ZNF300: variants seen among roughly 807,000 people sequenced by gnomAD.
ZNF300 encodes the protein kruppel-like zinc finger protein.
Under a neutral mutation model 13.9 loss-of-function variants are expected in ZNF300, and 6 were observed. The observed-to-expected ratio is 0.43, with a 90% CI of 0.24 to 0.85. The LOEUF (loss-of-function observed/expected upper bound fraction) is 0.85, where lower values mean the gene tolerates loss of function less well. ZNF300 is among the 40% of genes least tolerant of loss of function. The probability of loss-of-function intolerance (pLI) is 0.25; values close to 1 mark genes in which losing one functional copy is unlikely to be tolerated. For missense variants in ZNF300, 662 were observed against 714.2 expected, an observed-to-expected ratio of 0.93 and a Z score of 0.83; for synonymous variants, 237 against 242.2, an observed-to-expected ratio of 0.98 and a Z score of 0.20.
In ZNF300 at chr5:150,896,572, T is replaced by A; in HGVS notation, c.667A>T (p.Ser223Cys). 1 of 1,613,768 alleles carries A rather than the reference T, an allele frequency of 6.2e-7. No homozygotes were observed. The highest frequency in any genetic ancestry group is 8.5e-7 in the Non-Finnish European group (1 of 1,179,840). The change falls in exon 6 of 6, where the codon AGC becomes TGC. Residue 223 changes from serine to cysteine, a missense_variant. Ser to Cys is a moderately radical substitution (Grantham distance 112). Coordinates refer to ENST00000274599, the MANE Select transcript of ZNF300 (RefSeq NM_052860.4). ...DQSFGGGKSS[S>C]QSEPNSNLEK... ...AGATTAGAATTGGGCTCACTCTGGC[T>A]AGATGATTTTCCACCTCCAAAACTC...
chr5:150,900,306 T>C (rs1754948944), intron 3 of ZNF300, among the ~76,000 whole-genome samples: 1 of 152,112 alleles, frequency 6.6e-6, no homozygotes, highest in Non-Finnish European at 1.5e-5. Context: ...CTCTCCATTT[T>C]AGTTTCAAAA....
At chr5:150,898,704 T>A (rs1190143036) in intron 3 of ZNF300, 150 bp from the exon 4 acceptor site, 6 of 818,868 alleles carry the variant, frequency 7.3e-6, no homozygotes, top group Non-Finnish European at 1.1e-5. Flanking sequence ...GCCAGGCATA[T>A]GAGGAGAAAA....
intron 5 of ZNF300, chr5:150,897,554 C>A (rs1311065100): frequency 6.4e-6 from 1 of 156,582 alleles, no homozygotes; most frequent in Non-Finnish European, 1.4e-5. Flanking sequence ...AAAGCTGTAT[C>A]TTCCTGACCC....
At position 150,895,672 on chromosome 5, in the gene ZNF300, A is replaced by G. The variant is rs750554027; in HGVS notation, c.1567T>C (p.Cys523Arg). The G allele has an allele frequency of 6.2e-7, 1 of 1,613,422 alleles. No homozygotes were observed. The highest frequency in any genetic ancestry group is 8.5e-7 in the Non-Finnish European group (1 of 1,179,756). ...RIHTGEKPYICTECGKAFSQK... is the reference protein window; with the variant it reads ...RIHTGEKPYIRTECGKAFSQK... ...GAGAAGGCTTTCCCACATTCAGTAC[A>G]TATATAAGGTTTTTCTCCTGTGTGA... Residue 523 changes from cysteine (C) to arginine (R), a missense_variant, in exon 6 of 6, where the codon TGT (cysteine) becomes CGT (arginine). By Grantham distance (180) the Cys-to-Arg change is radical. Transcript: ENST00000274599.
rs1184093948 is a variant in ZNF300 at position 150,904,885 on chromosome 5, C to T, written c.-323G>A. 6.6e-6 allele frequency: 1 copy of T among 152,372 alleles called. No individual in the cohort carries two copies. Among genetic ancestry groups the T allele is most frequent in the African/African-American group, 2.4e-5 (1 of 41,446 alleles). The allele number at this position is 152,372 out of a possible 1,614,324, so 9.4% of individuals were successfully genotyped here. ...TCCGTACTGGGCGGTTTTGCCCGTT[C>T]CGCATCTTCAGAGGCTTTGTTCAGG... On this transcript the variant is annotated 5_prime_UTR_variant, in exon 1 of 6. Transcript: ENST00000274599.
Position 150,896,765 on chromosome 5 carries a change from CTCAG to C in ZNF300, c.470_473del (p.Thr157ArgfsTer18). 6.2e-7 allele frequency: 1 copy of C among 1,613,716 alleles called. No individual in the cohort carries two copies. The highest frequency in any genetic ancestry group is 8.5e-7 in the Non-Finnish European group (1 of 1,179,800). ...GTGGATTATATTTATGCCCTGATGC[CTCAG>C]TCACTGTTTTGCTGTTAACAAATGT... On this transcript the variant is annotated frameshift_variant, in exon 6 of 6. Transcript: ENST00000274599. LOFTEE classifies it low-confidence loss of function (END_TRUNC).
chr5:150,902,213 G>C (rs1430781545), intron 3 of ZNF300, among the ~76,000 whole-genome samples: 3 of 152,122 alleles, frequency 2.0e-5, no homozygotes, highest in Admixed American at 2.0e-4. Context: ...AAAAATGGGA[G>C]AGCAAAGAAG....
In ZNF300 at chr5:150,896,962, T is replaced by C. The variant is rs763118318; in HGVS notation, c.277A>G (p.Asn93Asp). 7 of 1,608,686 alleles carry C rather than the reference T, an allele frequency of 4.4e-6. No homozygotes were observed. Among genetic ancestry groups the C allele is most frequent in the Non-Finnish European group, 5.9e-6 (7 of 1,177,748 alleles). The change falls in exon 6 of 6, where the codon AAC becomes GAC. Residue 93 changes from asparagine to aspartate, a missense_variant. By Grantham distance (23) the Asn-to-Asp change is conservative (BLOSUM62 1). Transcript: ENST00000274599. ...QADGRQDRKS[N>D]LHNSQSCILG... ...ATACATGACTGGGAGTTGTGAAGGT[T>C]ACTCTTCCTGTCTAAAAGAAGAAAA...
chr5:150,898,317 A>T, intron 4 of ZNF300, 111 bp downstream of exon 4: 1 of 1,598,240 alleles, frequency 6.3e-7, no homozygotes, highest in Non-Finnish European at 8.6e-7. Flanking sequence ...TTGCAAAGGT[A>T]TGAAGGTCAT....
intron 2 of ZNF300, 41 bp from the exon 3 acceptor site, chr5:150,903,223 C>T (rs1450350755): frequency 1.6e-5 from 26 of 1,613,638 alleles, no homozygotes; most frequent in Non-Finnish European, 2.2e-5. Flanking sequence ...TTTTCATAGT[C>T]CAAACCCAGA....
In ZNF300 at chr5:150,895,988, G is replaced by T; in HGVS notation, c.1251C>A (p.Ala417=). 1 of 1,613,514 alleles carries T rather than the reference G, an allele frequency of 6.2e-7. No homozygotes were observed. The highest frequency in any genetic ancestry group is 1.1e-5 in the South Asian group (1 of 91,066). The change falls in exon 6 of 6, where the codon GCC becomes GCA. Residue 417 remains alanine, a synonymous_variant. Coordinates refer to ENST00000274599, the MANE Select transcript of ZNF300 (RefSeq NM_052860.4). ...TAATGAGGTGGGACTTCTCACAGAA[G>T]GCTTTCCCACATTCGGTACACTCAT... is the stretch of plus-strand genomic sequence containing the variant. ...KPYECTECGK[A]FCEKSHLIIH...
chr5:150,902,993 T>G, intron 3 of ZNF300, 148 bp downstream of exon 3: 2 of 808,282 alleles, frequency 2.5e-6, no homozygotes, highest in Non-Finnish European at 4.0e-6. Context: ...CAGCCAGGTT[T>G]TTTACATATT....
intron 3 of ZNF300, chr5:150,900,767 T>C (rs1434258230): frequency 6.6e-6 from 1 of 152,044 alleles, no homozygotes; most frequent in Non-Finnish European, 1.5e-5. Context: ...TAATTTGTTT[T>C]ATCTGAAGAA....
At chr5:150,897,328 C>T (rs766361450) in intron 5 of ZNF300, 1 of 178,728 alleles carries the variant, frequency 5.6e-6, no homozygotes, top group South Asian at 1.8e-4. Context: ...TTCTTATTAT[C>T]CTACCATCAC....
rs1390040243 is a variant in ZNF300, at chr5:150,896,743, GATT to G, written c.493_495del (p.Asn165del). 1.2e-6 allele frequency: 2 copies of G among 1,613,626 alleles called. No individual in the cohort carries two copies. The highest frequency in any genetic ancestry group is 1.7e-5 in the Admixed American group (1 of 59,948). On this transcript the variant is annotated inframe_deletion, in exon 6 of 6. Transcript: ENST00000274599. ...CACTCTTGAAATATTTTCCCCAGTGGATTATATTTATGCCCTGATGCCTCAGTC... is the reference window on the plus strand; with the variant it reads ...CACTCTTGAAATATTTTCCCCAGTGGATATTTATGCCCTGATGCCTCAGTC...
chr5:150,902,617 T>A (rs1755028270), intron 3 of ZNF300, among the ~76,000 whole-genome samples: 2 of 152,196 alleles, frequency 1.3e-5, no homozygotes, highest in South Asian at 4.1e-4. Flanking sequence ...TAAAACTTTC[T>A]TTATAAAAAC....
Position 150,898,100 on chromosome 5 carries a change from C to G in ZNF300, c.227G>C (p.Trp76Ser). 5 of 1,613,548 alleles carry G rather than the reference C, an allele frequency of 3.1e-6. No homozygotes were observed. Among genetic ancestry groups the G allele is most frequent in the Non-Finnish European group, 3.4e-6 (4 of 1,179,714 alleles). Residue 76 changes from tryptophan to serine, a missense_variant, in exon 5 of 6, where the codon TGG (tryptophan) becomes TCG (serine). Transcript: ENST00000274599. Reference protein sequence around the residue: ...PWIIKGDISNWIYPDEYQADG... With the variant: ...PWIIKGDISNSIYPDEYQADG... The stretch of plus-strand genomic sequence containing the variant: ...TGCCTGATATTCATCTGGATAGATC[C>G]AATTTGATATGTCTCCCTTTATGAT...
Position 150,896,266 on chromosome 5 carries a change from A to G in ZNF300, c.973T>C (p.Tyr325His), listed in dbSNP as rs1237644506. ...GCTTTTCCACATTCAGAACAATCAT[A>G]AGGTTTCTCCCCAGTATGAGTTCTC... ...HQRTHTGEKP[Y>H]DCSECGKAFS... Residue 325 changes from tyrosine (Y) to histidine (H), a missense_variant, in exon 6 of 6, where the codon TAT becomes CAT. By Grantham distance (83) the Tyr-to-His change is moderately conservative. Coordinates refer to ENST00000274599, the MANE Select transcript of ZNF300 (RefSeq NM_052860.4). 6.2e-7 allele frequency: 1 copy of G among 1,613,760 alleles called. No individual in the cohort carries two copies. Among genetic ancestry groups the G allele is most frequent in the South Asian group, 1.1e-5 (1 of 91,072 alleles).
chr5:150,903,078 CT>C, intron 3 of ZNF300, 62 bp downstream of exon 3: 1 of 1,529,648 alleles, frequency 6.5e-7, no homozygotes, highest in Non-Finnish European at 9.0e-7. Context: ...GCTAACTTTA[CT>C]TTCCATTTGA....
Sources: allele counts gnomAD v4.1 joint callset (sites outside exome capture counted in the v4.1 genomes callset), GRCh38; gene constraint gnomAD v4.1.1; transcripts MANE v1.5; gene names NCBI Gene and HGNC (gene_info 2026-07-23, HGNC 2026-07-21).